The following USP35 variants were observed in gnomAD, a reference collection of about 807,000 sequenced individuals.
USP35 encodes the protein ubiquitin specific peptidase 35, also known as ubiquitin carboxyl-terminal hydrolase 35.
USP35 carries 69 observed loss-of-function variants against 83.8 expected under a neutral mutation model. The ratio of observed to expected loss-of-function variants is 0.82; its 90% confidence interval spans 0.68 to 1.01. USP35 has a LOEUF of 1.01. USP35 is among the 50% of genes least tolerant of loss of function. USP35 has a pLI of 0.00. For synonymous variants in USP35, 714 were observed against 589.5 expected, an observed-to-expected ratio of 1.21 and a Z score of -3.06; for missense variants, 1,503 against 1,362.5, an observed-to-expected ratio of 1.10 and a Z score of -1.62.
the USP35 span, among the ~76,000 whole-genome samples, chr11:78,227,480 T>C: frequency 3.9e-5 from 6 of 152,194 alleles, no homozygotes; most frequent in East Asian, 9.7e-4. Context: ...TGGGTATTGA[T>C]GTTGTAAGTT....
rs1255677139 is a variant in USP35 at position 78,209,590 on chromosome 11, T to G, written c.1735T>G (p.Cys579Gly). 5.6e-6 allele frequency: 9 copies of G among 1,614,176 alleles called. No individual in the cohort carries two copies. Among genetic ancestry groups the G allele is most frequent in the African/African-American group, 1.3e-5 (1 of 75,052 alleles). Residue 579 changes from cysteine (C) to glycine (G), a missense_variant, in exon 10 of 11, where the codon TGC becomes GGC. Coordinates refer to ENST00000529308, the MANE Select transcript of USP35 (RefSeq NM_020798.4). Reference protein sequence around the residue: ...MFGGKIVTRICCLCCLNVSSR... With the variant: ...MFGGKIVTRIGCLCCLNVSSR... ...TGGAGGCAAGATAGTGACTCGGATC[T>G]GCTGTCTCTGCTGCCTCAACGTCTC...
chr11:78,235,296 G>A, the USP35 span, among the ~76,000 whole-genome samples: 1 of 151,824 alleles, frequency 6.6e-6, no homozygotes, highest in Non-Finnish European at 1.5e-5. Flanking sequence ...GGGACTAAAG[G>A]CGCCCGTCAC....
chr11:78,213,376 T>G (rs891071304), intron 10 of USP35, among the ~76,000 whole-genome samples: 3 of 152,152 alleles, frequency 2.0e-5, no homozygotes, highest in African/African-American at 7.2e-5. Flanking sequence ...TCCTCAGACC[T>G]CTCGGTACCA....
At chr11:78,202,040 G>A (rs920414295) in intron 6 of USP35, among the ~76,000 whole-genome samples, 3 of 152,240 alleles carry the variant, frequency 2.0e-5, no homozygotes, top group Admixed American at 2.0e-4. Context: ...AAGCTTGCAA[G>A]AAAGTAAGGG....
intron 2 of USP35, among the ~76,000 whole-genome samples, chr11:78,197,486 C>T (rs1057162350): frequency 1.3e-5 from 2 of 152,032 alleles, no homozygotes; most frequent in African/African-American, 2.4e-5. Flanking sequence ...GTGTGCCTTC[C>T]CTGGTGATGA....
Position 78,209,726 on chromosome 11 carries a change from G to A in USP35, c.1871G>A (p.Arg624Gln), listed in dbSNP as rs531715304. Reference sequence around the variant, plus strand: ...CGCCCCACAGAAGACATCACAGCCCGGGAGTTGCCCCCACCAACCAGTGCA... The same window carrying A: ...CGCCCCACAGAAGACATCACAGCCCAGGAGTTGCCCCCACCAACCAGTGCA... ...VMRPTEDITA[R>Q]ELPPPTSAQG... Residue 624 changes from arginine to glutamine, a missense_variant, in exon 10 of 11, where the codon CGG (arginine) becomes CAG (glutamine). By Grantham distance (43) the Arg-to-Gln change is conservative (BLOSUM62 1). Coordinates refer to ENST00000529308, the MANE Select transcript of USP35 (RefSeq NM_020798.4). 7.4e-6 allele frequency: 12 copies of A among 1,614,060 alleles called. No individual in the cohort carries two copies. In the African/African-American group the frequency reaches 8.0e-5, roughly 11 times the overall value.
At chr11:78,219,402 G>C, downstream of USP35, 2 of 1,613,962 alleles carry the variant, frequency 1.2e-6, no homozygotes, top group South Asian at 1.1e-5. Flanking sequence ...AGAGGTGACG[G>C]ATGAAGTAGA....
At chr11:78,207,163 GCTGGGAT>G (rs1256624621) in intron 7 of USP35, 1 of 176,354 alleles carries the variant, frequency 5.7e-6, no homozygotes, top group African/African-American at 2.4e-5. Flanking sequence ...GGCTGCTGCG[GCTGGGAT>G]GATATTGGCA....
Position 78,196,971 on chromosome 11 carries a change from G to A in USP35, c.673+53G>A, listed in dbSNP as rs1863172384. 2 of 1,421,836 alleles carry A rather than the reference G, an allele frequency of 1.4e-6. No homozygotes were observed. Among genetic ancestry groups the A allele is most frequent in the Admixed American group, 2.7e-5 (1 of 36,534 alleles). 88.1% of individuals were successfully genotyped at this position (1,421,836 alleles called of 1,614,324 possible). A position where few individuals can be genotyped will look rare whatever the true frequency, so the allele number is the denominator to read the frequency against. ...GGGCATGCGGAGGTCCTGGGTGGGCGCTTGGGTAGGTGGCTGTACGTGTGG... is the reference window on the plus strand; with the variant it reads ...GGGCATGCGGAGGTCCTGGGTGGGCACTTGGGTAGGTGGCTGTACGTGTGG... On this transcript the variant is annotated intron_variant, in intron 2 of 10. Coordinates refer to ENST00000529308, the MANE Select transcript of USP35 (RefSeq NM_020798.4). The surrounding 1 kb of genome is among the most constrained non-coding windows in gnomAD (Gnocchi z 4.8).
At chr11:78,222,009 G>A in the USP35 span, 5 of 835,492 alleles carry the variant, frequency 6.0e-6, no homozygotes, top group Admixed American at 7.2e-5. Context: ...GTTAGCATCA[G>A]AATCCAGCTG....
chr11:78,228,032 A>G, the USP35 span, among the ~76,000 whole-genome samples: 1 of 152,182 alleles, frequency 6.6e-6, no homozygotes, highest in Non-Finnish European at 1.5e-5. Context: ...GCAAGCAGTA[A>G]AAAGAGAAGA....
chr11:78,221,999 G>T, the USP35 span: 1 of 792,368 alleles, frequency 1.3e-6, no homozygotes, highest in Non-Finnish European at 2.3e-6. Context: ...TAATGATAGC[G>T]TTAGCATCAG....
intron 6 of USP35, among the ~76,000 whole-genome samples, chr11:78,201,408 G>T (rs1863356501): frequency 6.6e-6 from 1 of 152,254 alleles, no homozygotes; most frequent in South Asian, 2.1e-4. Context: ...AGCAAACGGA[G>T]TCTCCTCCAT....
the USP35 span, chr11:78,223,275 A>G: frequency 6.2e-6 from 4 of 649,636 alleles, no homozygotes; most frequent in Non-Finnish European, 9.8e-6. Context: ...TTCACAGATA[A>G]GAAAACTGAG....
At chr11:78,219,831 G>A (rs1442975101), downstream of USP35, among the ~76,000 whole-genome samples, 1 of 152,154 alleles carries the variant, frequency 6.6e-6, no homozygotes, top group Non-Finnish European at 1.5e-5. Context: ...CTGTGAAGGG[G>A]AACCATGCTG....
downstream of USP35, chr11:78,217,752 T>C (rs1864221155): frequency 6.6e-6 from 1 of 150,912 alleles, no homozygotes; most frequent in Admixed American, 6.6e-5. Context: ...GGGAGGAGAG[T>C]CCAAGATGGC....
At chr11:78,222,793 G>A in the USP35 span, among the ~76,000 whole-genome samples, 1 of 152,056 alleles carries the variant, frequency 6.6e-6, no homozygotes, top group Admixed American at 6.6e-5. Context: ...ATTTTGGCCA[G>A]GCTGGTCTCG....
At chr11:78,202,899 C>G (rs962493178) in intron 6 of USP35, among the ~76,000 whole-genome samples, 5 of 152,160 alleles carry the variant, frequency 3.3e-5, no homozygotes, top group African/African-American at 9.7e-5. Context: ...TGGGCAGGAA[C>G]CCTGTCCTTT....
chr11:78,215,092 T>A lies in USP35; in HGVS notation c.*1279T>A, dbSNP rs1169586239. On this transcript the variant is annotated 3_prime_UTR_variant, in exon 11 of 11. Coordinates refer to ENST00000529308, the MANE Select transcript of USP35 (RefSeq NM_020798.4). ...GACAGACACGCCCAGAACCCATCTC[T>A]AGACGCCTAAGAAAGCTGGATGGGT... 6.6e-6 allele frequency among the ~76,000 whole-genome samples: 1 copy of A among 152,224 alleles called. No individual in the cohort carries two copies. Among genetic ancestry groups the A allele is most frequent in the Non-Finnish European group, 1.5e-5 (1 of 68,046 alleles).
Sources: gnomAD v4.1 joint callset for allele counts (sites outside exome capture counted in the v4.1 genomes callset) on GRCh38, gnomAD v4.1.1 for gene constraint, Gnocchi (gnomAD v3.1) non-coding constraint, MANE v1.5 for transcripts, NCBI Gene and HGNC (gene_info 2026-07-23, HGNC 2026-07-21) for gene names.